The following CDH18 variants were observed in gnomAD, a reference collection of about 807,000 sequenced individuals.
The protein encoded by CDH18 is cadherin 18, also known as cadherin-18.
Under a neutral mutation model 67.9 loss-of-function variants are expected in CDH18, and 31 were observed. That is an observed-to-expected ratio of 0.46 (90% CI 0.34 to 0.62). The LOEUF (loss-of-function observed/expected upper bound fraction) is 0.62. CDH18 is among the 20% of genes least tolerant of loss of function. The probability of loss-of-function intolerance (pLI) is 0.01; values close to 1 mark genes in which losing one functional copy is unlikely to be tolerated. For synonymous variants in CDH18, 362 were observed against 347.2 expected (o/e 1.04, Z -0.48); for missense variants, 890 against 975.5 (o/e 0.91, Z 1.17).
intron 1 of CDH18, among the ~76,000 whole-genome samples, chr5:20,506,947 G>T (rs1297940639): frequency 2.0e-5 from 3 of 152,028 alleles, no homozygotes; most frequent in African/African-American, 7.2e-5. Context: ...GGCAGATCTA[G>T]CACTGAAAAG....
At chr5:20,383,943 G>A (rs904210460) in intron 1 of CDH18, among the ~76,000 whole-genome samples, 4 of 152,012 alleles carry the variant, frequency 2.6e-5, no homozygotes, top group Non-Finnish European at 5.9e-5. Context: ...AATGACTTAT[G>A]AGAAAAGGGA....
intron 1 of CDH18, among the ~76,000 whole-genome samples, chr5:20,537,351 ATAATTAT>A (rs1266226160): frequency 1.1e-4 from 16 of 152,162 alleles, no homozygotes; most frequent in African/African-American, 3.9e-4. Flanking sequence ...CATCTTGTAA[ATAATTAT>A]TAATTATTAT....
intron 5 of CDH18, among the ~76,000 whole-genome samples, chr5:19,621,565 G>A (rs1750703443): frequency 6.6e-6 from 1 of 152,068 alleles, no homozygotes; most frequent in Admixed American, 6.6e-5. Context: ...TGTAAAATAA[G>A]CCAGTAACAG....
In CDH18 at chr5:20,369,988, C is replaced by T. The variant is rs138619577; in HGVS notation, c.-579-114483G>A. Among the ~76,000 whole-genome samples the T allele has an allele frequency of 3.9e-5, 6 of 152,176 alleles. No homozygotes were observed. In the East Asian group the frequency reaches 9.7e-4, roughly 25 times the overall value. On this transcript the variant is annotated intron_variant, in intron 1 of 14. Transcript: ENST00000507958. Reference sequence around the variant, plus strand: ...CCCATCACCCAGGAATTAAGCCCAGCGTCAATTAGCTATTCTTCCTGATGT... The same window carrying T: ...CCCATCACCCAGGAATTAAGCCCAGTGTCAATTAGCTATTCTTCCTGATGT...
chr5:20,088,190 T>C (rs943827368), intron 2 of CDH18, among the ~76,000 whole-genome samples: 2 of 152,340 alleles, frequency 1.3e-5, no homozygotes, highest in East Asian at 3.9e-4. Context: ...ATACTGTGTG[T>C]TGAACTCTTA....
intron 1 of CDH18, among the ~76,000 whole-genome samples, chr5:20,541,335 A>C (rs909920489): frequency 6.6e-6 from 1 of 152,180 alleles, no homozygotes; most frequent in Non-Finnish European, 1.5e-5. Flanking sequence ...TAGACATTAA[A>C]CTATGTTATT....
chr5:19,738,161 T>C (rs78813675), intron 4 of CDH18, among the ~76,000 whole-genome samples: 1,960 of 141,714 alleles, frequency 0.014, 39 homozygotes, highest in African/African-American at 0.048. Flanking sequence ...TAGGTGCACA[T>C]GATACTGAGA....
intron 11 of CDH18, chr5:19,502,659 T>G (rs1283821996): frequency 2.2e-6 from 1 of 458,650 alleles, no homozygotes; most frequent in Admixed American, 3.9e-5. Context: ...TTTTTCATTT[T>G]TTCCTAATTT....
intron 6 of CDH18, among the ~76,000 whole-genome samples, chr5:19,607,362 A>C (rs1212818139): frequency 6.6e-6 from 1 of 151,418 alleles, no homozygotes; most frequent in Non-Finnish European, 1.5e-5. Flanking sequence ...AAAATAGAAA[A>C]AACAACAACA....
chr5:20,074,378 T>TTAG (rs1743747118), intron 2 of CDH18, among the ~76,000 whole-genome samples: 1 of 152,148 alleles, frequency 6.6e-6, no homozygotes, highest in Non-Finnish European at 1.5e-5. Flanking sequence ...TTAAACTGAT[T>TTAG]TAGCTCACTA....
intron 1 of CDH18, among the ~76,000 whole-genome samples, chr5:20,387,361 C>T (rs1165710684): frequency 6.6e-6 from 1 of 152,064 alleles, no homozygotes; most frequent in Non-Finnish European, 1.5e-5. Flanking sequence ...TGATTTGGTT[C>T]TCTCTTTGTC....
intron 2 of CDH18, among the ~76,000 whole-genome samples, chr5:20,199,471 C>T (rs1739268262): frequency 6.6e-6 from 1 of 152,194 alleles, no homozygotes; most frequent in South Asian, 2.1e-4. Flanking sequence ...TACACAATGC[C>T]TGTACCCCTA....
intron 2 of CDH18, among the ~76,000 whole-genome samples, chr5:20,205,109 A>G (rs1739777585): frequency 6.6e-6 from 1 of 151,976 alleles, no homozygotes; most frequent in Admixed American, 6.6e-5. Context: ...TAAAACACAT[A>G]GAGTGGCTAA....
intron 2 of CDH18, among the ~76,000 whole-genome samples, chr5:19,852,720 G>A (rs986990809): frequency 1.3e-5 from 2 of 151,980 alleles, no homozygotes; most frequent in Non-Finnish European, 2.9e-5. Context: ...TTATTGAGTT[G>A]TCCTGTTCAC....
intron 1 of CDH18, among the ~76,000 whole-genome samples, chr5:20,348,975 T>C (rs904375662): frequency 6.6e-6 from 1 of 152,202 alleles, no homozygotes; most frequent in African/African-American, 2.4e-5. Flanking sequence ...AGGTATTTTA[T>C]CTCTACTAAT....
chr5:20,106,233 C>T (rs776264647), intron 2 of CDH18, among the ~76,000 whole-genome samples: 15 of 152,200 alleles, frequency 9.9e-5, no homozygotes, highest in Admixed American at 2.6e-4. Context: ...ATCATCTGTG[C>T]TTTCACAAAC....
At chr5:19,935,422 T>C (rs531292446) in intron 2 of CDH18, among the ~76,000 whole-genome samples, 13 of 151,318 alleles carry the variant, frequency 8.6e-5, no homozygotes, top group African/African-American at 2.9e-4. Context: ...TAATACAGTA[T>C]TTTAATGTAC....
At chr5:19,611,361 A>G (rs900871826) in intron 6 of CDH18, among the ~76,000 whole-genome samples, 3 of 152,220 alleles carry the variant, frequency 2.0e-5, no homozygotes, top group Non-Finnish European at 4.4e-5. Context: ...TAATTCTGCA[A>G]CAGGAATTAA....
chr5:20,556,082 T>C (rs1166389160), intron 1 of CDH18, among the ~76,000 whole-genome samples: 1 of 152,204 alleles, frequency 6.6e-6, no homozygotes, highest in African/African-American at 2.4e-5. Context: ...TTCCTTGTGA[T>C]TTTCTAAATG....
Sources: gnomAD v4.1 joint callset for allele counts (sites outside exome capture counted in the v4.1 genomes callset) on GRCh38, gnomAD v4.1.1 for gene constraint, MANE v1.5 for transcripts, NCBI Gene and HGNC (gene_info 2026-07-23, HGNC 2026-07-21) for gene names.